The following CLINT1 variants were observed in gnomAD, a reference collection of about 807,000 sequenced individuals.
The protein encoded by CLINT1 is clathrin interactor 1.
In CLINT1, 15 loss-of-function variants were observed where a neutral mutation model predicts 70.4. The observed-to-expected ratio is 0.21, with a 90% CI of 0.14 to 0.33. The LOEUF (loss-of-function observed/expected upper bound fraction) is 0.33, where lower values mean the gene tolerates loss of function less well. Among genes scored for constraint, CLINT1 ranks in the 10% least tolerant of loss-of-function variants. The pLI is 1.00. For synonymous variants in CLINT1, 227 were observed against 254.7 expected (o/e 0.89, Z 1.04); for missense variants, 615 against 778.1 (o/e 0.79, Z 2.49).
chr5:157,857,109 C>T (rs954332153), intron 1 of CLINT1, among the ~76,000 whole-genome samples: 3 of 151,450 alleles, frequency 2.0e-5, no homozygotes, highest in African/African-American at 7.3e-5. Flanking sequence ...GTGCCAGGCA[C>T]GGTGATGCAT....
At chr5:157,823,073 GT>G (rs1362104860) in intron 1 of CLINT1, among the ~76,000 whole-genome samples, 1 of 151,874 alleles carries the variant, frequency 6.6e-6, no homozygotes, top group Non-Finnish European at 1.5e-5. Flanking sequence ...GTTTCTCTTT[GT>G]TTTAAGCTTA....
chr5:157,858,887 TCCCCCAC>T lies in CLINT1; in HGVS notation c.41+36_41+42del, dbSNP rs756944508. On this transcript the variant is annotated intron_variant, in intron 1 of 11. Transcript: ENST00000411809. ...GCCAGCTCCTTCTCCCCCTCCCCCC[TCCCCCAC>T]GTGGGCCTCGGCCACAACTGCCCCC... 4 of 244,268 alleles carry T rather than the reference TCCCCCAC, an allele frequency of 1.6e-5. No individual in the cohort carries two copies. In the African/African-American group the frequency reaches 2.7e-4, roughly 16 times the overall value. The allele number at this position is 244,268 out of a possible 1,614,324, so 15.1% of individuals were successfully genotyped here.
chr5:157,822,322 C>T (rs1228087385), intron 1 of CLINT1, among the ~76,000 whole-genome samples: 3 of 151,976 alleles, frequency 2.0e-5, no homozygotes, highest in Non-Finnish European at 4.4e-5. Context: ...TTACATGAGG[C>T]ATATGTAATG....
rs2113128593 is a variant in CLINT1, at chr5:157,791,830, G to A, written c.1253C>T (p.Ser418Leu). 1 of 1,614,004 alleles carries A rather than the reference G, an allele frequency of 6.2e-7. No homozygotes were observed. Among genetic ancestry groups the A allele is most frequent in the Non-Finnish European group, 8.5e-7 (1 of 1,179,886 alleles). The change falls in exon 10 of 12, where the codon TCA becomes TTA. Residue 418 changes from serine to leucine, a missense_variant. This residue lies in a region of CLINT1 where 374 missense variants were observed against 409.6 expected (regional missense o/e 0.91). Coordinates refer to ENST00000411809, the MANE Select transcript of CLINT1 (RefSeq NM_014666.4). Reference protein sequence around the residue: ...QSALGPPPAASNSSDLFDLMG... With the variant: ...QSALGPPPAALNSSDLFDLMG... ...AAGATCAAACAGGTCTGAAGAATTT[G>A]AGGCAGCAGGAGGTGGGCCTAGAGC...
intron 1 of CLINT1, among the ~76,000 whole-genome samples, chr5:157,846,149 T>C (rs1432748204): frequency 6.6e-6 from 1 of 152,190 alleles, no homozygotes; most frequent in Non-Finnish European, 1.5e-5. Flanking sequence ...GCACATCTCC[T>C]ACTTTCAATC....
intron 1 of CLINT1, among the ~76,000 whole-genome samples, chr5:157,844,364 T>C (rs1021944046): frequency 1.3e-5 from 2 of 152,200 alleles, no homozygotes; most frequent in African/African-American, 4.8e-5. Flanking sequence ...TGATATATCA[T>C]CTTGTGTCAT....
At position 157,806,035 on chromosome 5, in the gene CLINT1, G is replaced by A. The variant is rs746859496; in HGVS notation, c.773C>T (p.Thr258Met). 45 of 1,613,782 alleles carry A rather than the reference G, an allele frequency of 2.8e-5. No homozygotes were observed. Among genetic ancestry groups the A allele is most frequent in the Non-Finnish European group, 3.6e-5 (42 of 1,179,884 alleles). ...GEFKDEEETV[T>M]TKHIHITQAT... ...CTGTGTGATATGAATATGCTTTGTCGTCACAGTCTCCTCTTCATCTTTGAA... is the reference window on the plus strand; with the variant it reads ...CTGTGTGATATGAATATGCTTTGTCATCACAGTCTCCTCTTCATCTTTGAA... Residue 258 changes from threonine to methionine, a missense_variant, in exon 7 of 12, where the codon ACG becomes ATG. Physicochemically the swap from Thr to Met is moderately conservative, Grantham distance 81. Around this residue, in one of 2 missense-constraint regions of CLINT1, gnomAD observed 241 missense variants for 368.6 expected, o/e 0.65. Coordinates refer to ENST00000411809, the MANE Select transcript of CLINT1 (RefSeq NM_014666.4).
At position 157,789,416 on chromosome 5, in the gene CLINT1, A is replaced by G; in HGVS notation, c.1478T>C (p.Met493Thr). The stretch of plus-strand genomic sequence containing the variant: ...TGGCTGCTGGGGTTTGGAAGGCTGC[A>G]TACCAGGTAGTAAGTTGTCTAGGCT... ...NISLDNLLPG[M>T]QPSKPQQPSL... Residue 493 changes from methionine to threonine, a missense_variant, in exon 11 of 12, where the codon ATG becomes ACG. By Grantham distance (81) the Met-to-Thr change is moderately conservative. This residue lies in a region of CLINT1 where 374 missense variants were observed against 409.6 expected (regional missense o/e 0.91). Transcript: ENST00000411809. 1 of 1,614,024 alleles carries G rather than the reference A, an allele frequency of 6.2e-7. No individual in the cohort carries two copies.
At chr5:157,820,811 A>G (rs2113229146) in intron 1 of CLINT1, among the ~76,000 whole-genome samples, 1 of 152,336 alleles carries the variant, frequency 6.6e-6, no homozygotes, top group Non-Finnish European at 1.5e-5. Context: ...TTCTGACACA[A>G]ATGTTTTAAG....
At chr5:157,814,076 C>A in intron 4 of CLINT1, 109 bp downstream of exon 4, 1 of 723,080 alleles carries the variant, frequency 1.4e-6, no homozygotes, top group Non-Finnish European at 2.4e-6. Context: ...GTCACACAAC[C>A]AGCAACAGTC....
At chr5:157,814,065 C>T (rs926347418) in intron 4 of CLINT1, 120 bp downstream of exon 4, 5 of 687,180 alleles carry the variant, frequency 7.3e-6, no homozygotes, top group African/African-American at 5.3e-5. Context: ...ATTCTGCACT[C>T]GTCACACAAC....
rs547764008 is a variant in CLINT1, at chr5:157,858,891, C to A, written c.41+39G>T. On this transcript the variant is annotated intron_variant, in intron 1 of 11. Transcript: ENST00000411809. The stretch of plus-strand genomic sequence containing the variant: ...GCTCCTTCTCCCCCTCCCCCCTCCC[C>A]CACGTGGGCCTCGGCCACAACTGCC... 2.3e-5 allele frequency: 28 copies of A among 1,232,016 alleles called. No individual in the cohort carries two copies. The South Asian group carries it at 3.5e-4, about 15-fold the overall frequency. 76.3% of individuals were successfully genotyped at this position (1,232,016 alleles called of 1,614,324 possible).
At chr5:157,811,866 TAA>T (rs1000821527) in intron 5 of CLINT1, among the ~76,000 whole-genome samples, 14 of 152,318 alleles carry the variant, frequency 9.2e-5, no homozygotes, top group African/African-American at 3.4e-4. Context: ...ACCTGAAGAA[TAA>T]AGTTACTACT....
chr5:157,797,847 G>T (rs1045241335), intron 8 of CLINT1, among the ~76,000 whole-genome samples: 1 of 152,148 alleles, frequency 6.6e-6, no homozygotes, highest in African/African-American at 2.4e-5. Context: ...CACCAAAACA[G>T]AAATTATATG....
intron 1 of CLINT1, among the ~76,000 whole-genome samples, chr5:157,839,767 A>ATC (rs1442061744): frequency 1.6e-5 from 2 of 121,368 alleles, no homozygotes; most frequent in Non-Finnish European, 3.6e-5. Flanking sequence ...ATCTATCTAT[A>ATC]CATATAATCA....
At chr5:157,788,155 C>G (rs1761785687) in intron 11 of CLINT1, 163 bp from the exon 12 acceptor site, 3 of 677,138 alleles carry the variant, frequency 4.4e-6, no homozygotes, top group South Asian at 1.7e-5. Context: ...ACTGGTTCCT[C>G]TTGAGACATA....
intron 1 of CLINT1, among the ~76,000 whole-genome samples, chr5:157,820,835 C>T (rs1008737186): frequency 6.6e-6 from 1 of 152,118 alleles, no homozygotes; most frequent in Non-Finnish European, 1.5e-5. Flanking sequence ...ATATCACAGA[C>T]GCTAGAGGGG....
chr5:157,789,431 T>G lies in CLINT1; in HGVS notation c.1463A>C (p.Asn488Thr). The change falls in exon 11 of 12, where the codon AAC becomes ACC. Residue 488 changes from asparagine to threonine, a missense_variant. By Grantham distance (65) the Asn-to-Thr change is moderately conservative. This residue lies in a region of CLINT1 where 374 missense variants were observed against 409.6 expected (regional missense o/e 0.91). Coordinates refer to ENST00000411809, the MANE Select transcript of CLINT1 (RefSeq NM_014666.4). ...SDPSVNISLDNLLPGMQPSKP... is the reference protein window; with the variant it reads ...SDPSVNISLDTLLPGMQPSKP... ...GGAAGGCTGCATACCAGGTAGTAAGTTGTCTAGGCTGATGTTTACACTGGG... is the reference window on the plus strand; with the variant it reads ...GGAAGGCTGCATACCAGGTAGTAAGGTGTCTAGGCTGATGTTTACACTGGG... 1 of 1,613,984 alleles carries G rather than the reference T, an allele frequency of 6.2e-7. No homozygotes were observed. The highest frequency in any genetic ancestry group is 8.5e-7 in the Non-Finnish European group (1 of 1,179,870).
chr5:157,792,549 A>T (rs893236988), intron 9 of CLINT1, among the ~76,000 whole-genome samples: 8 of 152,186 alleles, frequency 5.3e-5, no homozygotes, highest in Admixed American at 4.6e-4. Flanking sequence ...CTCCGTCTAA[A>T]AAAAAATGAA....
Sources: gnomAD v4.1 joint callset for allele counts (sites outside exome capture counted in the v4.1 genomes callset) on GRCh38, gnomAD v4.1.1 for gene constraint, gnomAD v4.1.1 regional missense constraint, MANE v1.5 for transcripts, NCBI Gene and HGNC (gene_info 2026-07-23, HGNC 2026-07-21) for gene names.